RAB12: variants seen among roughly 807,000 people sequenced by gnomAD.
RAB12 encodes ras-related protein Rab-12.
Under a neutral mutation model 28.4 loss-of-function variants are expected in RAB12, and 11 were observed. The observed-to-expected ratio is 0.39, with a 90% CI of 0.24 to 0.64. RAB12 has a LOEUF of 0.64. Among genes scored for constraint, RAB12 ranks in the 30% least tolerant of loss-of-function variants. The probability of loss-of-function intolerance (pLI) is 0.50; values close to 1 mark genes in which losing one functional copy is unlikely to be tolerated. For missense variants in RAB12, 276 were observed against 351.1 expected (o/e 0.79, Z 1.71); for synonymous variants, 138 against 145.3 (o/e 0.95, Z 0.36).
chr18:8,613,832 TA>T (rs2096005215), intron 1 of RAB12, among the ~76,000 whole-genome samples: 1 of 94,196 alleles, frequency 1.1e-5, no homozygotes, highest in Non-Finnish European at 2.6e-5. Flanking sequence ...TAAATAGAAG[TA>T]GTAGTAGTAG....
rs761125389 is a variant in RAB12, at chr18:8,638,298, G to C, written c.*36G>C. ...TGGAGACAAAGTGGAAATGATTCCT[G>C]GAAAGGGGAAAAAACGTTCTATTCT... On this transcript the variant is annotated 3_prime_UTR_variant, in exon 6 of 6. Coordinates refer to ENST00000649141, the MANE Select transcript of RAB12 (RefSeq NM_001025300.3). 6.8e-7 allele frequency: 1 copy of C among 1,460,544 alleles called. No homozygotes were observed. The highest frequency in any genetic ancestry group is 2.3e-5 in the East Asian group (1 of 44,092). The allele number at this position is 1,460,544 out of a possible 1,614,324, so 90.5% of individuals were successfully genotyped here. A position where few individuals can be genotyped will look rare whatever the true frequency, so the allele number is the denominator to read the frequency against.
chr18:8,610,176 C>G lies in RAB12; in HGVS notation c.514+223C>G, dbSNP rs1016060387. The G allele has an allele frequency of 1.1e-5, 5 of 453,592 alleles. No homozygotes were observed. The South Asian group carries it at 1.5e-4, about 13-fold the overall frequency. 28.1% of individuals were successfully genotyped at this position (453,592 alleles called of 1,614,324 possible). ...GCAGACCTGCCCTTGGCCCCCGGCC[C>G]TGCCTCAGAGGTCCTGGCAGCCCCC... On this transcript the variant is annotated intron_variant, in intron 1 of 5. Coordinates refer to ENST00000649141, the MANE Select transcript of RAB12 (RefSeq NM_001025300.3).
chr18:8,632,147 G>A (rs945981719), intron 2 of RAB12, among the ~76,000 whole-genome samples: 2 of 151,884 alleles, frequency 1.3e-5, no homozygotes, highest in Non-Finnish European at 2.9e-5. Context: ...GCATGGTGGC[G>A]CATGCCTGTA....
At chr18:8,631,658 G>C (rs902166423) in intron 2 of RAB12, among the ~76,000 whole-genome samples, 3 of 152,204 alleles carry the variant, frequency 2.0e-5, no homozygotes, top group African/African-American at 7.2e-5. Flanking sequence ...TGGGGACTCA[G>C]AACCTTCTAG....
In RAB12 at chr18:8,638,802, A is replaced by C. The variant is rs190874343; in HGVS notation, c.*540A>C. The C allele has an allele frequency of 1.3e-5, 2 of 153,168 alleles. No homozygotes were observed. Among genetic ancestry groups the C allele is most frequent in the Non-Finnish European group, 2.9e-5 (2 of 68,534 alleles). The allele number at this position is 153,168 out of a possible 1,614,324, so 9.5% of individuals were successfully genotyped here. On this transcript the variant is annotated 3_prime_UTR_variant, in exon 6 of 6. Transcript: ENST00000649141. ...CCATTCATGGCCGTCATGGAAGGTT[A>C]TTTATTAATGTTACATAATGGTAGA...
chr18:8,611,628 C>T (rs148935067), intron 1 of RAB12, among the ~76,000 whole-genome samples: 3 of 152,206 alleles, frequency 2.0e-5, no homozygotes, highest in African/African-American at 7.2e-5. Context: ...CCTATGGGCA[C>T]CTGGAACCAA....
chr18:8,627,758 GTTC>G (rs1437978280), intron 2 of RAB12, among the ~76,000 whole-genome samples: 2 of 152,172 alleles, frequency 1.3e-5, no homozygotes, highest in Non-Finnish European at 2.9e-5. Flanking sequence ...AGGGCCCTTT[GTTC>G]TGCCTGTCGG....
At chr18:8,630,876 G>C (rs1319136729) in intron 2 of RAB12, among the ~76,000 whole-genome samples, 2 of 152,110 alleles carry the variant, frequency 1.3e-5, no homozygotes, top group Non-Finnish European at 2.9e-5. Context: ...GCCAATTCTG[G>C]TTTGTTTTTG....
At chr18:8,638,055 T>C (rs868170636) in intron 5 of RAB12, 94 bp from the exon 6 acceptor site, 6 of 731,674 alleles carry the variant, frequency 8.2e-6, no homozygotes, top group Middle Eastern at 2.7e-4. Flanking sequence ...TGTGTATAAG[T>C]GGACCTGTGC....
At chr18:8,638,122 A>AT (rs745763608) in intron 5 of RAB12, 27 bp from the exon 6 acceptor site, 725 of 1,500,776 alleles carry the variant, frequency 4.8e-4, no homozygotes, top group African/African-American at 1.9e-3. Context: ...GTTAAAACGG[A>AT]TTTTTTTTTG....
chr18:8,633,433 A>C, intron 3 of RAB12, 106 bp downstream of exon 3: 1 of 1,292,264 alleles, frequency 7.7e-7, no homozygotes, highest in Non-Finnish European at 1.1e-6. Flanking sequence ...TTTCATATAG[A>C]CTAAACATCA....
rs574674266 is a variant in RAB12 at position 8,638,713 on chromosome 18, A to G, written c.*451A>G. 4.5e-5 allele frequency: 7 copies of G among 154,636 alleles called. No homozygotes were observed. Among genetic ancestry groups the G allele is most frequent in the Non-Finnish European group, 7.2e-5 (5 of 69,404 alleles). The allele number at this position is 154,636 out of a possible 1,614,324, so 9.6% of individuals were successfully genotyped here. On this transcript the variant is annotated 3_prime_UTR_variant, in exon 6 of 6. Coordinates refer to ENST00000649141, the MANE Select transcript of RAB12 (RefSeq NM_001025300.3). ...TATCTTAAGTGCTTTTTCTTTATTT[A>G]CAAGACATTTCCCCCAGTGGTAGCA... is the stretch of plus-strand genomic sequence containing the variant.
At chr18:8,621,920 G>A (rs1039002615) in intron 1 of RAB12, among the ~76,000 whole-genome samples, 1 of 152,180 alleles carries the variant, frequency 6.6e-6, no homozygotes, top group African/African-American at 2.4e-5. Context: ...TAATTACATA[G>A]TGATAATGTT....
In RAB12 at chr18:8,609,750, A is replaced by C. The variant is rs998102361; in HGVS notation, c.311A>C (p.Gln104Pro). The C allele has an allele frequency of 9.9e-5, 122 of 1,229,546 alleles. 1 individual carries two copies. In the African/African-American group the frequency reaches 1.6e-3, roughly 16 times the overall value. The allele number at this position is 1,229,546 out of a possible 1,614,324, so 76.2% of individuals were successfully genotyped here. The change falls in exon 1 of 6, where the codon CAG becomes CCG. Residue 104 changes from glutamine (Q) to proline (P), a missense_variant. This residue lies in a region of RAB12 where 72 missense variants were observed against 55.5 expected (regional missense o/e 1.30). Transcript: ENST00000649141. The stretch of plus-strand genomic sequence containing the variant: ...TGTATGGATCCGGGCGCCGCGCTGC[A>C]GAGGCGGGCCGGGGGCGGCGGCGGT... ...HACMDPGAAL[Q>P]RRAGGGGGLG... is the part of the protein sequence containing the mutation.
In RAB12 at chr18:8,636,869, G is replaced by T. The variant is rs76754551; in HGVS notation, c.909+512G>T. Among the ~76,000 whole-genome samples, 142 of 152,268 alleles carry T rather than the reference G, an allele frequency of 9.3e-4. 3 individuals are homozygous for T. In the East Asian group the frequency reaches 0.026, roughly 28 times the overall value. ...CATTGAGCAGCAGCAGTTTCTTCAG[G>T]CATCTTTAGGCTTACATTCAAAAAT... On this transcript the variant is annotated intron_variant, in intron 5 of 5. Transcript: ENST00000649141.
chr18:8,636,189 C>A, intron 4 of RAB12, 64 bp from the exon 5 acceptor site: 1 of 1,067,998 alleles, frequency 9.4e-7, no homozygotes, highest in Non-Finnish European at 1.5e-6. Context: ...GCCCAGAGAC[C>A]TCATGCTCGC....
chr18:8,629,810 C>T (rs905239954), intron 2 of RAB12, among the ~76,000 whole-genome samples: 1 of 152,224 alleles, frequency 6.6e-6, no homozygotes, highest in Non-Finnish European at 1.5e-5. Flanking sequence ...GTGTTCTCCT[C>T]CCCTTTCAGG....
intron 4 of RAB12, chr18:8,635,837 A>G (rs1300364784): frequency 8.1e-6 from 4 of 496,770 alleles, no homozygotes; most frequent in African/African-American, 5.9e-5. Flanking sequence ...CAGTGTATAC[A>G]ACATTATTAT....
chr18:8,610,988 T>C (rs925322909), intron 1 of RAB12, among the ~76,000 whole-genome samples: 10 of 152,244 alleles, frequency 6.6e-5, no homozygotes, highest in Admixed American at 3.3e-4. Flanking sequence ...GAAATTGTCA[T>C]GTAACAAAAC....
Sources: allele counts gnomAD v4.1 joint callset (sites outside exome capture counted in the v4.1 genomes callset), GRCh38; gene constraint gnomAD v4.1.1; regional missense constraint gnomAD v4.1.1; transcripts MANE v1.5; gene names NCBI Gene and HGNC (gene_info 2026-07-23, HGNC 2026-07-21).